The following ASCC3 variants were observed in gnomAD, a reference collection of about 807,000 sequenced individuals.
ASCC3 encodes ASC-1 complex subunit P200.
Under a neutral mutation model 256.3 loss-of-function variants are expected in ASCC3, and 158 were observed. The ratio of observed to expected loss-of-function variants is 0.62; its 90% CI spans 0.54 to 0.70. The LOEUF (loss-of-function observed/expected upper bound fraction) is 0.70, where lower values mean the gene tolerates loss of function less well. Among genes scored for constraint, ASCC3 ranks in the 30% least tolerant of loss-of-function variants. The pLI, the probability that ASCC3 is intolerant of heterozygous loss-of-function variation, is 0.00. For synonymous variants in ASCC3, 948 were observed against 883.4 expected, an observed-to-expected ratio of 1.07 and a Z score of -1.30; for missense variants, 2,259 against 2,626.0, an observed-to-expected ratio of 0.86 and a Z score of 3.05.
intron 36 of ASCC3, among the ~76,000 whole-genome samples, chr6:100,546,659 C>T (rs1376593725): frequency 6.6e-6 from 1 of 151,948 alleles, no homozygotes; most frequent in Non-Finnish European, 1.5e-5. Context: ...AAAAAAAATC[C>T]AAATCCTGGC....
intron 12 of ASCC3, among the ~76,000 whole-genome samples, chr6:100,715,806 T>C (rs568257851): frequency 7.3e-4 from 111 of 151,970 alleles, no homozygotes; most frequent in Non-Finnish European, 1.4e-3. Flanking sequence ...TCTTTAAGGA[T>C]ATTCTTGTTA....
At position 100,767,362 on chromosome 6, in the gene ASCC3, T is replaced by A. The variant is rs761293137; in HGVS notation, c.1396-17A>T. ...CTGTCCGATCTAAAAAAAAAAGGCA[T>A]CACCCATTATAAATAGTAACAATGT... On this transcript the variant is annotated splice_polypyrimidine_tract_variant and intron_variant, in intron 8 of 41. Coordinates refer to ENST00000369162, the MANE Select transcript of ASCC3 (RefSeq NM_006828.4). The A allele has an allele frequency of 1.2e-6, 2 of 1,605,018 alleles. No individual in the cohort carries two copies. The highest frequency in any genetic ancestry group is 1.7e-6 in the Non-Finnish European group (2 of 1,172,908).
At chr6:100,567,224 T>C (rs1376864815) in intron 36 of ASCC3, among the ~76,000 whole-genome samples, 1 of 152,106 alleles carries the variant, frequency 6.6e-6, no homozygotes, top group Non-Finnish European at 1.5e-5. Flanking sequence ...TGTACATTCA[T>C]CTAAATCTTT....
intron 4 of ASCC3, among the ~76,000 whole-genome samples, chr6:100,811,400 T>C (rs1770463358): frequency 6.6e-6 from 1 of 152,136 alleles, no homozygotes; most frequent in Non-Finnish European, 1.5e-5. Flanking sequence ...TCAGTGAAAT[T>C]CAAGTTCAAA....
chr6:100,659,258 A>T (rs114001747), intron 16 of ASCC3, among the ~76,000 whole-genome samples: 2,280 of 151,602 alleles, frequency 0.015, 54 homozygotes, highest in African/African-American at 0.052. Context: ...AAAATTCATT[A>T]CCTAAAGAAC....
intron 10 of ASCC3, among the ~76,000 whole-genome samples, chr6:100,758,743 G>A (rs1471185330): frequency 6.6e-6 from 1 of 152,096 alleles, no homozygotes; most frequent in Non-Finnish European, 1.5e-5. Flanking sequence ...ATTCCTTTGG[G>A]TACTGAGTAT....
At chr6:100,574,105 A>C (rs955781107) in intron 36 of ASCC3, among the ~76,000 whole-genome samples, 19 of 152,144 alleles carry the variant, frequency 1.2e-4, no homozygotes, top group Non-Finnish European at 8.8e-5. Flanking sequence ...GTTTTCATTA[A>C]GCTTTTAGGG....
At chr6:100,672,045 C>A (rs1178484496) in intron 14 of ASCC3, among the ~76,000 whole-genome samples, 2 of 151,970 alleles carry the variant, frequency 1.3e-5, no homozygotes, top group African/African-American at 2.4e-5. Flanking sequence ...CTTGTCTGTT[C>A]TCTTTTGCTT....
chr6:100,802,588 ATAT>A (rs1228885858), intron 5 of ASCC3, among the ~76,000 whole-genome samples: 1 of 152,090 alleles, frequency 6.6e-6, no homozygotes, highest in Non-Finnish European at 1.5e-5. Flanking sequence ...AGCTATCCTA[ATAT>A]TATAAAATTT....
intron 8 of ASCC3, among the ~76,000 whole-genome samples, chr6:100,779,522 G>C (rs777038474): frequency 1.3e-5 from 2 of 152,092 alleles, no homozygotes; most frequent in Non-Finnish European, 2.9e-5. Flanking sequence ...TCTCTCTGAG[G>C]ATAAACCTAA....
intron 30 of ASCC3, among the ~76,000 whole-genome samples, chr6:100,609,057 T>C (rs1021344444): frequency 2.0e-5 from 3 of 151,468 alleles, no homozygotes; most frequent in Non-Finnish European, 4.4e-5. Flanking sequence ...CCACCGCGCC[T>C]GGCCTGCTAT....
intron 37 of ASCC3, among the ~76,000 whole-genome samples, chr6:100,520,345 C>T (rs1377663381): frequency 1.3e-5 from 2 of 152,094 alleles, no homozygotes; most frequent in Non-Finnish European, 2.9e-5. Flanking sequence ...CCACGTCCCC[C>T]TCTGTACACT....
chr6:100,834,401 G>A (rs566001750), intron 4 of ASCC3, among the ~76,000 whole-genome samples: 1 of 152,188 alleles, frequency 6.6e-6, no homozygotes, highest in Non-Finnish European at 1.5e-5. Flanking sequence ...GTCATCACTG[G>A]GTTTAATTAG....
intron 10 of ASCC3, among the ~76,000 whole-genome samples, chr6:100,727,613 TGCAGC>T (rs1779696792): frequency 6.6e-6 from 1 of 151,954 alleles, no homozygotes; most frequent in Non-Finnish European, 1.5e-5. Context: ...CCCAGAGCTA[TGCAGC>T]TATGGATCTG....
chr6:100,852,184 T>C (rs1772713995), intron 3 of ASCC3, among the ~76,000 whole-genome samples: 1 of 152,186 alleles, frequency 6.6e-6, no homozygotes, highest in South Asian at 2.1e-4. Context: ...TTGTAAAATG[T>C]AGACAAAGTA....
At chr6:100,547,302 C>T (rs1288022310) in intron 36 of ASCC3, among the ~76,000 whole-genome samples, 2 of 151,652 alleles carry the variant, frequency 1.3e-5, no homozygotes, top group Non-Finnish European at 2.9e-5. Flanking sequence ...TCTTTGTTAC[C>T]TGGAATTAGG....
intron 25 of ASCC3, among the ~76,000 whole-genome samples, chr6:100,634,963 T>C (rs1241066174): frequency 6.6e-6 from 1 of 151,954 alleles, no homozygotes; most frequent in Non-Finnish European, 1.5e-5. Context: ...TGATTGGTGG[T>C]AATGTAAACT....
chr6:100,511,289 GC>G (rs945140464), intron 40 of ASCC3, among the ~76,000 whole-genome samples: 2 of 151,980 alleles, frequency 1.3e-5, no homozygotes, highest in African/African-American at 4.8e-5. Flanking sequence ...ATGGTGGCAG[GC>G]ACCTGTAATC....
rs928302965 is a variant in ASCC3 at position 100,848,281 on chromosome 6, A to T, written c.668T>A (p.Leu223Ter). Residue 223 changes from leucine (L) to a stop codon, truncating the protein, a stop_gained, in exon 4 of 42, where the codon TTG (leucine) becomes TAG (stop). Coordinates refer to ENST00000369162, the MANE Select transcript of ASCC3 (RefSeq NM_006828.4). LOFTEE classifies it high-confidence loss of function. ...KPVEKTNGSF[L>*]WCEVEKYLNS... Reference sequence around the variant, plus strand: ...TAGGTACTTTTCAACTTCACACCACAAAAAGGAGCCATTTGTTTTTTCCAC... The same window carrying T: ...TAGGTACTTTTCAACTTCACACCACTAAAAGGAGCCATTTGTTTTTTCCAC... 6.2e-7 allele frequency: 1 copy of T among 1,614,068 alleles called. No individual in the cohort carries two copies. Among genetic ancestry groups the T allele is most frequent in the East Asian group, 2.2e-5 (1 of 44,862 alleles).
Sources: gnomAD v4.1 joint callset for allele counts (sites outside exome capture counted in the v4.1 genomes callset) on GRCh38, gnomAD v4.1.1 for gene constraint, MANE v1.5 for transcripts, NCBI Gene and HGNC (gene_info 2026-07-23, HGNC 2026-07-21) for gene names.